Variants in CLSPN observed in about 807,000 individuals in gnomAD.
CLSPN encodes claspin, also known as claspin homolog.
A neutral mutation model predicts 156.3 loss-of-function variants in CLSPN; 85 were observed. The observed-to-expected ratio is 0.54, with a 90% CI of 0.46 to 0.65. CLSPN has a LOEUF of 0.65. Ranked by LOEUF, CLSPN falls within the 30% of genes least tolerant of loss-of-function variation. The pLI, the probability that CLSPN is intolerant of heterozygous loss-of-function variation, is 0.00. For missense variants in CLSPN, 1,407 were observed against 1,554.9 expected (o/e 0.90, Z 1.60); for synonymous variants, 534 against 542.4 (o/e 0.98, Z 0.22).
At chr1:35,743,285 GTCC>G in intron 17 of CLSPN, 44 bp from the exon 18 acceptor site, 1 of 1,479,470 alleles carries the variant, frequency 6.8e-7, no homozygotes, top group Non-Finnish European at 9.4e-7. Flanking sequence ...AATAAAATGC[GTCC>G]TCAATGAAAA....
chr1:35,720,276 G>A (rs967313056), exon 25 of CLSPN: 1 of 152,056 alleles, frequency 6.6e-6, no homozygotes, highest in African/African-American at 2.4e-5. Context: ...GAAATAAGAA[G>A]GAGAAGGCAG....
Position 35,738,099 on chromosome 1 carries a change from T to TG in CLSPN, c.3559-3dup. ...AGCTGTAATTTTCCCCTGCTGTGCC[T>TG]GAAAAAAAAAAAAAATATATATATA... On this transcript the variant is annotated splice_region_variant and splice_polypyrimidine_tract_variant and intron_variant, in intron 21 of 24. Coordinates refer to ENST00000318121, the MANE Select transcript of CLSPN (RefSeq NM_022111.4). 4.5e-6 allele frequency: 3 copies of TG among 666,986 alleles called. No homozygotes were observed. The highest frequency in any genetic ancestry group is 6.0e-6 in the Non-Finnish European group (3 of 497,056). 41.3% of individuals were successfully genotyped at this position (666,986 alleles called of 1,614,324 possible).
In CLSPN at chr1:35,735,660, A is replaced by G. The variant is rs1461866173; in HGVS notation, c.*836T>C. On this transcript the variant is annotated 3_prime_UTR_variant, in exon 25 of 25. Coordinates refer to ENST00000318121, the MANE Select transcript of CLSPN (RefSeq NM_022111.4). Reference sequence around the variant, plus strand: ...GAGGCAGAGGTTGCCGTGAGCCGAGATTGCGCCACTGCACTCCAGACTGGG... The same window carrying G: ...GAGGCAGAGGTTGCCGTGAGCCGAGGTTGCGCCACTGCACTCCAGACTGGG... 2 of 919,906 alleles carry G rather than the reference A, an allele frequency of 2.2e-6. No individual in the cohort carries two copies. Among genetic ancestry groups the G allele is most frequent in the African/African-American group, 3.6e-5 (2 of 55,684 alleles). The allele number at this position is 919,906 out of a possible 1,614,324, so 57.0% of individuals were successfully genotyped here.
intron 6 of CLSPN, among the ~76,000 whole-genome samples, chr1:35,761,498 C>T (rs1211712826): frequency 1.3e-5 from 2 of 152,082 alleles, no homozygotes; most frequent in Non-Finnish European, 1.5e-5. Flanking sequence ...TACAGTAGTC[C>T]CCGCTTATCC....
Position 35,726,152 on chromosome 1 carries a change from C to CAAAAAAAAAAAAAAAAA in CLSPN, c.3910-5189_3910-5173dup, listed in dbSNP as rs3041363. Among the ~76,000 whole-genome samples, 32 of 48,204 alleles carry CAAAAAAAAAAAAAAAAA rather than the reference C, an allele frequency of 6.6e-4. 11 individuals are homozygous for CAAAAAAAAAAAAAAAAA. Among genetic ancestry groups the CAAAAAAAAAAAAAAAAA allele is most frequent in the Admixed American group, 1.1e-3 (3 of 2,710 alleles). 31.6% of individuals were successfully genotyped at this position (48,204 alleles called of 152,430 possible). On this transcript the variant is annotated intron_variant, in intron 24 of 24. Coordinates refer to the CLSPN transcript ENST00000251195. ...ACACACCCATAGAAACAGATGCAGA[C>CAAAAAAAAAAAAAAAAA]AAAAAAAAAAAAAAAAAAAAAAAGC... is the stretch of plus-strand genomic sequence containing the variant.
At chr1:35,762,917 A>G (rs892573205) in intron 4 of CLSPN, among the ~76,000 whole-genome samples, 1 of 151,978 alleles carries the variant, frequency 6.6e-6, no homozygotes, top group Admixed American at 6.6e-5. Context: ...ACCATCAAAT[A>G]TCTTAGTGGT....
chr1:35,736,412 A>T lies in CLSPN; in HGVS notation c.*84T>A. ...ATTGATTATGAAAGAAGGAAGGATC[A>T]TTGGCTGGAGTGTCAATTCCAACTT... is the stretch of plus-strand genomic sequence containing the variant. On this transcript the variant is annotated 3_prime_UTR_variant, in exon 25 of 25. Transcript: ENST00000318121. 2 of 1,478,296 alleles carry T rather than the reference A, an allele frequency of 1.4e-6. No individual in the cohort carries two copies. The highest frequency in any genetic ancestry group is 3.1e-5 in the South Asian group (2 of 64,110). 91.6% of individuals were successfully genotyped at this position (1,478,296 alleles called of 1,614,324 possible).
chr1:35,752,411 C>G (rs536085291), intron 9 of CLSPN, among the ~76,000 whole-genome samples: 15 of 152,136 alleles, frequency 9.9e-5, no homozygotes, highest in African/African-American at 2.7e-4. Flanking sequence ...AACTTCATCT[C>G]TACTAAAAAT....
chr1:35,750,813 C>T (rs1270902447), intron 10 of CLSPN, among the ~76,000 whole-genome samples: 4 of 152,080 alleles, frequency 2.6e-5, no homozygotes, highest in African/African-American at 2.4e-5. Context: ...CTACAAAGAA[C>T]GAAAATAACT....
intron 6 of CLSPN, 127 bp from the exon 7 acceptor site, chr1:35,761,331 C>T: frequency 1.7e-6 from 1 of 571,532 alleles, no homozygotes. Flanking sequence ...TTAACAAAGG[C>T]AGAGGAGCTA....
intron 24 of CLSPN, among the ~76,000 whole-genome samples, chr1:35,722,375 C>G (rs1248338140): frequency 6.6e-6 from 1 of 151,330 alleles, no homozygotes; most frequent in African/African-American, 2.4e-5. Context: ...CTGCCTCAAC[C>G]TCCTGAGTAG....
intron 2 of CLSPN, 29 bp from the exon 3 acceptor site, chr1:35,764,743 A>T: frequency 6.9e-7 from 1 of 1,443,158 alleles, no homozygotes; most frequent in South Asian, 1.4e-5. Context: ...TTTTAATTAT[A>T]CCATCATTTG....
At chr1:35,757,568 T>C (rs1642317466) in intron 8 of CLSPN, among the ~76,000 whole-genome samples, 1 of 152,190 alleles carries the variant, frequency 6.6e-6, no homozygotes, top group African/African-American at 2.4e-5. Flanking sequence ...TGCAAAATAA[T>C]ACCTGGCACT....
intron 18 of CLSPN, among the ~76,000 whole-genome samples, chr1:35,741,554 G>A (rs1411557622): frequency 6.6e-6 from 1 of 152,130 alleles, no homozygotes; most frequent in African/African-American, 2.4e-5. Flanking sequence ...GACCTCAGGT[G>A]ATCCACCCGC....
rs1258107285 is a variant in CLSPN at position 35,739,155 on chromosome 1, C to T, written c.3411G>A (p.Lys1137=). The change falls in exon 20 of 25, where the codon AAG becomes AAA. Residue 1137 remains lysine (K), a synonymous_variant. Coordinates refer to ENST00000318121, the MANE Select transcript of CLSPN (RefSeq NM_022111.4). The stretch of plus-strand genomic sequence containing the variant: ...AGATACCTATGTTTTTCCATCGAAA[C>T]TTCCTCATTCGCCCAGGACCATCGC... The part of the protein sequence containing the change: ...LHSDGPGRMR[K]FRWKNIDDAS... 2.5e-6 allele frequency: 4 copies of T among 1,614,046 alleles called. No homozygotes were observed. The highest frequency in any genetic ancestry group is 2.7e-5 in the African/African-American group (2 of 74,912).
rs746502078 is a variant in CLSPN at position 35,753,915 on chromosome 1, C to T, written c.1601G>A (p.Arg534His). 1.4e-5 allele frequency: 23 copies of T among 1,614,196 alleles called. No homozygotes were observed. The highest frequency in any genetic ancestry group is 1.6e-4 in the Middle Eastern group (1 of 6,062). ...TGCTGGATTAGCATGCTTCCAGAAA[C>T]GCTGCTTCAAGGCTTCCAGTTCTAA... ...TNRELEALKQ[R>H]FWKHANPAAK... The change falls in exon 9 of 25, where the codon CGT becomes CAT. Residue 534 changes from arginine (R) to histidine (H), a missense_variant. Arg to His is a conservative substitution (Grantham distance 29). Coordinates refer to ENST00000318121, the MANE Select transcript of CLSPN (RefSeq NM_022111.4).
rs1553133399 is a variant in CLSPN, at chr1:35,734,686, A to AAAAAAAAAAG, written c.*1809_*1810insCTTTTTTTTT. Reference sequence around the variant, plus strand: ...GAGCCAGCCTATGTCTCAAAAAAAAAAAAAGAAAAGAAAAGAAAAGAAAAA... The same window carrying AAAAAAAAAAG: ...GAGCCAGCCTATGTCTCAAAAAAAAAAAAAAAAAAGAAAAGAAAAGAAAAGAAAAGAAAAA... On this transcript the variant is annotated 3_prime_UTR_variant, in exon 25 of 25. Transcript: ENST00000318121. The AAAAAAAAAAG allele has an allele frequency of 2.2e-6, 2 of 918,354 alleles. No homozygotes were observed. Among genetic ancestry groups the AAAAAAAAAAG allele is most frequent in the African/African-American group, 3.6e-5 (2 of 55,460 alleles). The allele number at this position is 918,354 out of a possible 1,614,324, so 56.9% of individuals were successfully genotyped here.
intron 4 of CLSPN, 71 bp from the exon 5 acceptor site, chr1:35,762,552 CTTTT>C: frequency 5.4e-6 from 6 of 1,109,052 alleles, no homozygotes; most frequent in Non-Finnish European, 8.3e-6. Context: ...CTGAAGACTA[CTTTT>C]GTAGTCCAAC....
Position 35,733,283 on chromosome 1 carries a change from C to T in CLSPN, c.*3213G>A, listed in dbSNP as rs188488296. 2.1e-4 allele frequency: 43 copies of T among 208,224 alleles called. No homozygotes were observed. Among genetic ancestry groups the T allele is most frequent in the Non-Finnish European group, 3.3e-4 (39 of 119,762 alleles). 12.9% of individuals were successfully genotyped at this position (208,224 alleles called of 1,614,324 possible). A position where few individuals can be genotyped will look rare whatever the true frequency, so the allele number is the denominator to read the frequency against. On this transcript the variant is annotated 3_prime_UTR_variant, in exon 25 of 25. Transcript: ENST00000318121. ...ACGCCCAGCCCAGAAACCATTTTCTCCCTGGATTTCTCAGGCACTAATTTT... is the reference window on the plus strand; with the variant it reads ...ACGCCCAGCCCAGAAACCATTTTCTTCCTGGATTTCTCAGGCACTAATTTT...
Sources: gnomAD v4.1 joint callset for allele counts (sites outside exome capture counted in the v4.1 genomes callset) on GRCh38, gnomAD v4.1.1 for gene constraint, MANE v1.5 for transcripts, NCBI Gene and HGNC (gene_info 2026-07-23, HGNC 2026-07-21) for gene names.